The following CTNND2 variants were observed in gnomAD, a reference collection of about 807,000 sequenced individuals.
CTNND2 encodes the protein catenin delta 2, also known as catenin delta-2.
CTNND2 carries 22 observed loss-of-function variants against 144.4 expected under a neutral mutation model. The observed-to-expected ratio is 0.15, with a 90% CI of 0.11 to 0.22. The LOEUF is 0.22. CTNND2 is among the 10% of genes least tolerant of loss of function. The pLI is 1.00. For missense variants in CTNND2, 1,353 were observed against 1,618.8 expected, an observed-to-expected ratio of 0.84 and a Z score of 2.82; for synonymous variants, 751 against 695.6, an observed-to-expected ratio of 1.08 and a Z score of -1.25.
At chr5:11,761,410 G>A (rs1055306694) in intron 1 of CTNND2, among the ~76,000 whole-genome samples, 1 of 152,138 alleles carries the variant, frequency 6.6e-6, no homozygotes, top group African/African-American at 2.4e-5. Flanking sequence ...ACAGCTTTGT[G>A]AACTTTGAAC....
chr5:11,004,770 C>CAAAAAAAAAA (rs56261802), intron 18 of CTNND2, among the ~76,000 whole-genome samples: 3 of 88,856 alleles, frequency 3.4e-5, no homozygotes, highest in African/African-American at 8.2e-5. Context: ...CTCCTTCTCA[C>CAAAAAAAAAA]AAAAAAAAAA....
Position 11,590,285 on chromosome 5 carries a change from C to T in CTNND2, c.175-25229G>A, listed in dbSNP as rs538624182. On this transcript the variant is annotated intron_variant, in intron 2 of 21. Transcript: ENST00000304623. ...GTCTTGATCTCCTGACCTCGTGATC[C>T]GCCTGCCTTGGCCTCCCGAAGTGCT... Among the ~76,000 whole-genome samples, 33 of 152,180 alleles carry T rather than the reference C, an allele frequency of 2.2e-4. No homozygotes were observed. In the East Asian group the frequency reaches 4.3e-3, roughly 20 times the overall value.
At chr5:11,053,086 G>A (rs1314711693) in intron 16 of CTNND2, among the ~76,000 whole-genome samples, 2 of 152,172 alleles carry the variant, frequency 1.3e-5, no homozygotes, top group Admixed American at 6.5e-5. Flanking sequence ...AATAAGAAAA[G>A]GATGACAGAT....
chr5:11,270,932 C>T (rs1745934308), intron 9 of CTNND2, among the ~76,000 whole-genome samples: 1 of 152,110 alleles, frequency 6.6e-6, no homozygotes, highest in Admixed American at 6.5e-5. Context: ...TAATTAGCAT[C>T]CTTTAGCATT....
intron 9 of CTNND2, among the ~76,000 whole-genome samples, chr5:11,280,868 C>A (rs1387190899): frequency 6.6e-6 from 1 of 152,154 alleles, no homozygotes; most frequent in Non-Finnish European, 1.5e-5. Context: ...ACAGACCCCT[C>A]CTCAGCTGTG....
At chr5:11,366,359 T>C (rs1048654259) in intron 7 of CTNND2, among the ~76,000 whole-genome samples, 3 of 152,190 alleles carry the variant, frequency 2.0e-5, no homozygotes, top group African/African-American at 7.2e-5. Flanking sequence ...GTGAGAATTC[T>C]ATGAATTCAG....
chr5:11,696,531 G>C (rs1442980580), intron 2 of CTNND2, among the ~76,000 whole-genome samples: 2 of 152,132 alleles, frequency 1.3e-5, no homozygotes, highest in African/African-American at 4.8e-5. Flanking sequence ...AAACTGTTTA[G>C]ACTAATTTTA....
At chr5:11,674,373 G>A (rs756776719) in intron 2 of CTNND2, among the ~76,000 whole-genome samples, 11 of 151,996 alleles carry the variant, frequency 7.2e-5, no homozygotes, top group South Asian at 2.1e-4. Flanking sequence ...TAATTTTAGC[G>A]TAGTTTTAGG....
chr5:11,328,632 T>A (rs1752774391), intron 9 of CTNND2, among the ~76,000 whole-genome samples: 1 of 152,118 alleles, frequency 6.6e-6, no homozygotes, highest in Admixed American at 6.5e-5. Context: ...AAAAGATACA[T>A]CTATATGAGC....
intron 1 of CTNND2, among the ~76,000 whole-genome samples, chr5:11,771,769 T>C (rs1789956300): frequency 6.6e-6 from 1 of 152,218 alleles, no homozygotes; most frequent in African/African-American, 2.4e-5. Flanking sequence ...AATTTCCCAC[T>C]ATTAAAAGAG....
intron 1 of CTNND2, among the ~76,000 whole-genome samples, chr5:11,885,616 C>T (rs538324887): frequency 1.9e-4 from 29 of 152,206 alleles, no homozygotes; most frequent in African/African-American, 6.5e-4. Context: ...CTTTCAGCAA[C>T]GGACAGACAG....
intron 15 of CTNND2, among the ~76,000 whole-genome samples, chr5:11,096,453 T>C (rs1467602193): frequency 1.3e-5 from 2 of 152,316 alleles, no homozygotes; most frequent in African/African-American, 2.4e-5. Flanking sequence ...CTGAGAATGA[T>C]GGTTTCCAGC....
intron 1 of CTNND2, among the ~76,000 whole-genome samples, chr5:11,899,679 A>C (rs1378821351): frequency 1.3e-5 from 2 of 152,220 alleles, no homozygotes; most frequent in Non-Finnish European, 2.9e-5. Flanking sequence ...TCTTGTGTTC[A>C]CATAAATTTT....
At chr5:11,838,535 G>T (rs928177973) in intron 1 of CTNND2, among the ~76,000 whole-genome samples, 1 of 152,108 alleles carries the variant, frequency 6.6e-6, no homozygotes, top group African/African-American at 2.4e-5. Flanking sequence ...GCTGGGGTTT[G>T]AGGTAATAGG....
intron 9 of CTNND2, among the ~76,000 whole-genome samples, chr5:11,308,458 C>A (rs1157443337): frequency 1.3e-5 from 2 of 149,382 alleles, no homozygotes; most frequent in Non-Finnish European, 2.9e-5. Context: ...ACAAAAAAAA[C>A]AACAACAACC....
intron 1 of CTNND2, among the ~76,000 whole-genome samples, chr5:11,796,517 C>G (rs991076764): frequency 6.6e-6 from 1 of 152,134 alleles, no homozygotes; most frequent in Non-Finnish European, 1.5e-5. Flanking sequence ...TATTTTGTCC[C>G]TTTGTACCTA....
At chr5:11,847,285 C>G (rs996589425) in intron 1 of CTNND2, among the ~76,000 whole-genome samples, 1 of 150,966 alleles carries the variant, frequency 6.6e-6, no homozygotes, top group African/African-American at 2.4e-5. Flanking sequence ...CACATATACA[C>G]ATAATGGAAT....
At chr5:11,629,861 G>A (rs1781331740) in intron 2 of CTNND2, among the ~76,000 whole-genome samples, 1 of 151,684 alleles carries the variant, frequency 6.6e-6, no homozygotes, top group Non-Finnish European at 1.5e-5. Flanking sequence ...CATACCATTG[G>A]TCTCCAAATC....
chr5:11,542,722 A>G (rs1307703499), intron 3 of CTNND2, among the ~76,000 whole-genome samples: 1 of 152,178 alleles, frequency 6.6e-6, no homozygotes, highest in African/African-American at 2.4e-5. Context: ...TAAGACAATG[A>G]CTTCCATTTT....
Sources: allele counts gnomAD v4.1 joint callset (sites outside exome capture counted in the v4.1 genomes callset), GRCh38; gene constraint gnomAD v4.1.1; transcripts MANE v1.5; gene names NCBI Gene and HGNC (gene_info 2026-07-23, HGNC 2026-07-21).